Variants in METTL18 observed in about 807,000 individuals in gnomAD.
The protein encoded by METTL18 is histidine protein methyltransferase 1 homolog.
A neutral mutation model predicts 19.6 loss-of-function variants in METTL18; 15 were observed. The ratio of observed to expected loss-of-function variants is 0.77; its 90% confidence interval spans 0.51 to 1.18. The LOEUF (loss-of-function observed/expected upper bound fraction) is 1.18, where lower values mean the gene tolerates loss of function less well. METTL18 is among the 50% of genes most tolerant of loss of function. METTL18 has a pLI of 0.00. For synonymous variants in METTL18, 131 were observed against 145.2 expected (o/e 0.90, Z 0.70); for missense variants, 392 against 418.8 (o/e 0.94, Z 0.56).
At position 169,792,800 on chromosome 1, in the gene METTL18, G is replaced by T; in HGVS notation, c.896C>A (p.Pro299Gln). 1 of 1,613,160 alleles carries T rather than the reference G, an allele frequency of 6.2e-7. No homozygotes were observed. Among genetic ancestry groups the T allele is most frequent in the East Asian group, 2.2e-5 (1 of 44,856 alleles). Reference sequence around the variant, plus strand: ...CTGGTGCAAATTACTATAATAATCTGGGTTGTAAATGGTTTCTGAGGTGAG... The same window carrying T: ...CTGGTGCAAATTACTATAATAATCTTGGTTGTAAATGGTTTCTGAGGTGAG... Reference protein sequence around the residue: ...LILTSETIYNPDYYSNLHQTF... With the variant: ...LILTSETIYNQDYYSNLHQTF... The change falls in exon 2 of 2, where the codon CCA becomes CAA. Residue 299 changes from proline to glutamine, a missense_variant. Transcript: ENST00000310392.
In METTL18 at chr1:169,793,806, A is replaced by C; in HGVS notation, c.-111T>G. The C allele has an allele frequency of 9.9e-7, 1 of 1,010,838 alleles. No individual in the cohort carries two copies. 62.6% of individuals were successfully genotyped at this position (1,010,838 alleles called of 1,614,324 possible). A position where few individuals can be genotyped will look rare whatever the true frequency, so the allele number is the denominator to read the frequency against. On this transcript the variant is annotated 5_prime_UTR_variant, in exon 2 of 2. Transcript: ENST00000310392. ...TATTCAATTAGTTTTGTTGGGCCCA[A>C]TTTCTCTTTAGCAGCTTATACATGG...
rs1048161340 is a variant in METTL18, at chr1:169,793,764, C to T, written c.-69G>A. 2 of 1,401,094 alleles carry T rather than the reference C, an allele frequency of 1.4e-6. No homozygotes were observed. Among genetic ancestry groups the T allele is most frequent in the African/African-American group, 1.4e-5 (1 of 69,170 alleles). The allele number at this position is 1,401,094 out of a possible 1,614,324, so 86.8% of individuals were successfully genotyped here. ...CTTCTGGATAGAATTTGATGATACA[C>T]ACAAATCTGCCTCAATTATTCAATT... On this transcript the variant is annotated 5_prime_UTR_variant, in exon 2 of 2. In the 5' UTR this introduces an upstream ATG that the reference lacks. Coordinates refer to ENST00000310392, the MANE Select transcript of METTL18 (RefSeq NM_033418.4).
chr1:169,794,510 C>T (rs919665969), intron 1 of METTL18: 2 of 153,934 alleles, frequency 1.3e-5, no homozygotes, highest in African/African-American at 4.8e-5. Context: ...TTGGAGAGAC[C>T]TGTAGAAATA....
chr1:169,794,187 C>T lies in METTL18; in HGVS notation c.-202-290G>A, dbSNP rs138321625. Among the ~76,000 whole-genome samples, 11 of 152,318 alleles carry T rather than the reference C, an allele frequency of 7.2e-5. No homozygotes were observed. In the East Asian group the frequency reaches 2.1e-3, roughly 29 times the overall value. ...AAACATAAAGTCCAAGATATTCAGACAGGACAGCCTAGCTACTTGCTGTCT... is the reference window on the plus strand; with the variant it reads ...AAACATAAAGTCCAAGATATTCAGATAGGACAGCCTAGCTACTTGCTGTCT... On this transcript the variant is annotated intron_variant, in intron 1 of 1. Transcript: ENST00000310392.
In METTL18 at chr1:169,793,054, G is replaced by C; in HGVS notation, c.642C>G (p.His214Gln). The change falls in exon 2 of 2, where the codon CAC (histidine) becomes CAG (glutamine). Residue 214 changes from histidine to glutamine, a missense_variant. By Grantham distance (24) the His-to-Gln change is conservative (BLOSUM62 0). Transcript: ENST00000310392. Reference protein sequence around the residue: ...TAFKGGSKEIHFQDYNSMVID... With the variant: ...TAFKGGSKEIQFQDYNSMVID... ...TCACCATACTGTTATAATCTTGAAAGTGAATTTCTTTGGACCCTCCCTTGA... is the reference window on the plus strand; with the variant it reads ...TCACCATACTGTTATAATCTTGAAACTGAATTTCTTTGGACCCTCCCTTGA... The C allele has an allele frequency of 6.2e-7, 1 of 1,614,170 alleles. No homozygotes were observed. Among genetic ancestry groups the C allele is most frequent in the Admixed American group, 1.7e-5 (1 of 60,026 alleles).
chr1:169,794,764 C>T (rs963628355), intron 1 of METTL18, 51 bp downstream of exon 1: 1 of 192,288 alleles, frequency 5.2e-6, no homozygotes, highest in Non-Finnish European at 1.1e-5. Flanking sequence ...GAAGTGGGGA[C>T]TTCTGGCCCT....
Position 169,793,729 on chromosome 1 carries a change from G to T in METTL18, c.-34C>A. On this transcript the variant is annotated 5_prime_UTR_variant, in exon 2 of 2. It adds an upstream start codon to the 5' untranslated region. Transcript: ENST00000310392. Reference sequence around the variant, plus strand: ...TAAATGCACACAATCTTTAAATTCAGATTCTTCAACTTCTGGATAGAATTT... The same window carrying T: ...TAAATGCACACAATCTTTAAATTCATATTCTTCAACTTCTGGATAGAATTT... The T allele has an allele frequency of 1.3e-6, 2 of 1,522,422 alleles. No individual in the cohort carries two copies. Among genetic ancestry groups the T allele is most frequent in the Non-Finnish European group, 1.8e-6 (2 of 1,135,042 alleles). The allele number at this position is 1,522,422 out of a possible 1,614,324, so 94.3% of individuals were successfully genotyped here. A position where few individuals can be genotyped will look rare whatever the true frequency, so the allele number is the denominator to read the frequency against.
In METTL18 at chr1:169,792,743, C is replaced by T. The variant is rs35984232; in HGVS notation, c.953G>A (p.Arg318His). The change falls in exon 2 of 2, where the codon CGT becomes CAT. Residue 318 changes from arginine (R) to histidine (H), a missense_variant. Coordinates refer to ENST00000310392, the MANE Select transcript of METTL18 (RefSeq NM_033418.4). ...ATGTGCTTTGCTGGCCAAAAGTACA[C>T]GTCCATTTTTACTTAACAGTCTAAG... ...TFLRLLSKNG[R>H]VLLASKAHYF... 1,726 of 1,613,774 alleles carry T rather than the reference C, an allele frequency of 1.1e-3. 13 individuals carry two copies. The African/African-American group carries it at 0.014, about 13-fold the overall frequency.
At position 169,792,632 on chromosome 1, in the gene METTL18, A is replaced by G; in HGVS notation, c.1064T>C (p.Ile355Thr). The G allele has an allele frequency of 1.2e-6, 2 of 1,601,298 alleles. No homozygotes were observed. Among genetic ancestry groups the G allele is most frequent in the Non-Finnish European group, 1.7e-6 (2 of 1,176,770 alleles). The change falls in exon 2 of 2, where the codon ATT (isoleucine) becomes ACT (threonine). Residue 355 changes from isoleucine (I) to threonine (T), a missense_variant. Ile to Thr is a moderately conservative substitution (Grantham distance 89, BLOSUM62 -1). Coordinates refer to ENST00000310392, the MANE Select transcript of METTL18 (RefSeq NM_033418.4). The part of the protein sequence containing the change: ...DVFKTRILKI[I>T]DEGLKRFIIE... ...TATGAACCTCTTCAATCCTTCATCAATTATTTTGAGTATTCTGGTCTTAAA... is the reference window on the plus strand; with the variant it reads ...TATGAACCTCTTCAATCCTTCATCAGTTATTTTGAGTATTCTGGTCTTAAA...
At position 169,792,778 on chromosome 1, in the gene METTL18, G is replaced by C. The variant is rs761548210; in HGVS notation, c.918C>G (p.His306Gln). Residue 306 changes from histidine to glutamine, a missense_variant, in exon 2 of 2, where the codon CAC (histidine) becomes CAG (glutamine). Coordinates refer to ENST00000310392, the MANE Select transcript of METTL18 (RefSeq NM_033418.4). ...TACTTAACAGTCTAAGGAAAGTCTGGTGCAAATTACTATAATAATCTGGGT... is the reference window on the plus strand; with the variant it reads ...TACTTAACAGTCTAAGGAAAGTCTGCTGCAAATTACTATAATAATCTGGGT... ...IYNPDYYSNL[H>Q]QTFLRLLSKN... 2 of 1,612,862 alleles carry C rather than the reference G, an allele frequency of 1.2e-6. No individual in the cohort carries two copies. Among genetic ancestry groups the C allele is most frequent in the Non-Finnish European group, 1.7e-6 (2 of 1,179,710 alleles).
Position 169,792,887 on chromosome 1 carries a change from C to T in METTL18, c.809G>A (p.Trp270Ter). 6.2e-7 allele frequency: 1 copy of T among 1,614,072 alleles called. No homozygotes were observed. The highest frequency in any genetic ancestry group is 1.7e-5 in the Admixed American group (1 of 60,016). The change falls in exon 2 of 2, where the codon TGG (tryptophan) becomes TAG (stop). Residue 270 changes from tryptophan (W) to a stop codon, truncating the protein, a stop_gained. Coordinates refer to ENST00000310392, the MANE Select transcript of METTL18 (RefSeq NM_033418.4). LOFTEE classifies it high-confidence loss of function. Reference sequence around the variant, plus strand: ...TAGTACAAGCTTACAAAACTCAGACCACTCACCAGAAAAAAATCGGCATTT... The same window carrying T: ...TAGTACAAGCTTACAAAACTCAGACTACTCACCAGAAAAAAATCGGCATTT... ...LYKCRFFSGE[W>*]SEFCKLVLSS...
In METTL18 at chr1:169,793,278, T is replaced by C. The variant is rs1449782796; in HGVS notation, c.418A>G (p.Asn140Asp). Residue 140 changes from asparagine to aspartate, a missense_variant, in exon 2 of 2, where the codon AAC (asparagine) becomes GAC (aspartate). Coordinates refer to ENST00000310392, the MANE Select transcript of METTL18 (RefSeq NM_033418.4). Reference protein sequence around the residue: ...SVVKTILLKENFPGENIVSKS... With the variant: ...SVVKTILLKEDFPGENIVSKS... ...GAAACTATGTTTTCTCCAGGGAAGT[T>C]CTCTTTCAACAAGATGGTTTTCACT... 6.2e-6 allele frequency: 10 copies of C among 1,613,990 alleles called. No individual in the cohort carries two copies. The highest frequency in any genetic ancestry group is 1.3e-5 in the African/African-American group (1 of 74,902).
At position 169,792,868 on chromosome 1, in the gene METTL18, A is replaced by G; in HGVS notation, c.828T>C (p.Leu276=). The G allele has an allele frequency of 6.2e-7, 1 of 1,614,144 alleles. No individual in the cohort carries two copies. Among genetic ancestry groups the G allele is most frequent in the South Asian group, 1.1e-5 (1 of 91,082 alleles). The change falls in exon 2 of 2, where the codon CTT becomes CTC. Residue 276 remains leucine, a synonymous_variant. Coordinates refer to ENST00000310392, the MANE Select transcript of METTL18 (RefSeq NM_033418.4). ...CAAAAAGTTTTTCACTACTTAGTAC[A>G]AGCTTACAAAACTCAGACCACTCAC... ...FSGEWSEFCK[L]VLSSEKLFVK... is the part of the protein sequence containing the mutation.
chr1:169,793,357 T>C lies in METTL18; in HGVS notation c.339A>G (p.Leu113=). 1 of 1,614,234 alleles carries C rather than the reference T, an allele frequency of 6.2e-7. No homozygotes were observed. Among genetic ancestry groups the C allele is most frequent in the Non-Finnish European group, 8.5e-7 (1 of 1,180,032 alleles). ...HAMPKDLKKM[L]ENKVIETLPG... Reference sequence around the variant, plus strand: ...GTAATGTTTCTATGACTTTATTTTCTAACATCTTCTTTAAATCTTTAGGCA... The same window carrying C: ...GTAATGTTTCTATGACTTTATTTTCCAACATCTTCTTTAAATCTTTAGGCA... The change falls in exon 2 of 2, where the codon TTA becomes TTG. Residue 113 remains leucine (L), a synonymous_variant. Coordinates refer to ENST00000310392, the MANE Select transcript of METTL18 (RefSeq NM_033418.4).
At position 169,794,222 on chromosome 1, in the gene METTL18, C is replaced by G. The variant is rs186923401; in HGVS notation, c.-202-325G>C. The stretch of plus-strand genomic sequence containing the variant: ...TAGCTACTTGCTGTCTTTCAGCTGT[C>G]TTGATTTGTGTCCAACCATATTCAC... On this transcript the variant is annotated intron_variant, in intron 1 of 1. Coordinates refer to ENST00000310392, the MANE Select transcript of METTL18 (RefSeq NM_033418.4). Among the ~76,000 whole-genome samples the G allele has an allele frequency of 1.1e-3, 174 of 152,348 alleles. 2 individuals are homozygous for G. Among genetic ancestry groups the G allele is most frequent in the Non-Finnish European group, 6.0e-4 (41 of 68,036 alleles).
In METTL18 at chr1:169,792,659, AC is replaced by A; in HGVS notation, c.1036del (p.Val346PhefsTer9). 6.2e-7 allele frequency: 1 copy of A among 1,611,506 alleles called. No homozygotes were observed. The highest frequency in any genetic ancestry group is 8.5e-7 in the Non-Finnish European group (1 of 1,179,374). On this transcript the variant is annotated frameshift_variant, in exon 2 of 2. Coordinates refer to ENST00000310392, the MANE Select transcript of METTL18 (RefSeq NM_033418.4). LOFTEE classifies it high-confidence loss of function. ...LFQKFVEERD[V>X]FKTRILKIID... ...TATTTTGAGTATTCTGGTCTTAAAA[AC>A]ATCTCTTTCTTCTACAAACTTCTGA...
intron 1 of METTL18, 102 bp from the exon 2 acceptor site, chr1:169,793,999 G>A (rs1571175260): frequency 4.8e-6 from 1 of 209,790 alleles, no homozygotes; most frequent in Non-Finnish European, 8.9e-6. Flanking sequence ...ACCCCTCCCT[G>A]TCCCACCATA....
At position 169,793,490 on chromosome 1, in the gene METTL18, G is replaced by A. The variant is rs1650240799; in HGVS notation, c.206C>T (p.Ala69Val). The change falls in exon 2 of 2, where the codon GCA becomes GTA. Residue 69 changes from alanine (A) to valine (V), a missense_variant. Ala to Val is a moderately conservative substitution (Grantham distance 64). Transcript: ENST00000310392. ...HLWEHKSMEN[A>V]APSQDTDSPL... ...ACTGTCTGTGTCTTGAGAGGGAGCT[G>A]CATTTTCCATTGACTTATGTTCCCA... 2 of 1,614,004 alleles carry A rather than the reference G, an allele frequency of 1.2e-6. No homozygotes were observed. The highest frequency in any genetic ancestry group is 2.7e-5 in the African/African-American group (2 of 74,914).
chr1:169,792,601 T>G lies in METTL18; in HGVS notation c.1095A>C (p.Glu365Asp), dbSNP rs772427750. The change falls in exon 2 of 2, where the codon GAA becomes GAC. Residue 365 changes from glutamate (E) to aspartate (D), a missense_variant. Transcript: ENST00000310392. ...ATTAACCAGGAAACTTAAAAGTTAT[T>G]TCAATTATGAACCTCTTCAATCCTT... ...IDEGLKRFIIEITFKFPG is the reference protein window; with the variant it reads ...IDEGLKRFIIDITFKFPG The G allele has an allele frequency of 1.3e-6, 2 of 1,556,588 alleles. No homozygotes were observed.
Sources: allele counts gnomAD v4.1 joint callset (sites outside exome capture counted in the v4.1 genomes callset), GRCh38; gene constraint gnomAD v4.1.1; transcripts MANE v1.5; gene names NCBI Gene and HGNC (gene_info 2026-07-23, HGNC 2026-07-21).